THSD7B: variants seen among roughly 807,000 people sequenced by gnomAD.
The protein encoded by THSD7B is thrombospondin type 1 domain containing 7B.
A neutral mutation model predicts 213.6 loss-of-function variants in THSD7B; 138 were observed. The ratio of observed to expected loss-of-function variants is 0.65; its 90% CI spans 0.56 to 0.74. THSD7B has a LOEUF of 0.74. Ranked by LOEUF, THSD7B falls within the 30% of genes least tolerant of loss-of-function variation. THSD7B has a pLI of 0.00. For missense variants in THSD7B, 1,931 were observed against 1,991.5 expected, an observed-to-expected ratio of 0.97 and a Z score of 0.58; for synonymous variants, 742 against 687.0, an observed-to-expected ratio of 1.08 and a Z score of -1.25.
At chr2:136,984,998 G>A (rs1022129111) in intron 2 of THSD7B, among the ~76,000 whole-genome samples, 9 of 152,134 alleles carry the variant, frequency 5.9e-5, no homozygotes, top group African/African-American at 2.2e-4. Flanking sequence ...AGGGTATGTG[G>A]TTGAGGAAGC....
chr2:137,552,903 A>G (rs1680878506), intron 15 of THSD7B, among the ~76,000 whole-genome samples: 1 of 152,206 alleles, frequency 6.6e-6, no homozygotes, highest in Admixed American at 6.5e-5. Flanking sequence ...GAATGAGAAA[A>G]GAGAGAAAGC....
At chr2:137,288,831 G>A (rs1008353937) in intron 12 of THSD7B, among the ~76,000 whole-genome samples, 4 of 151,388 alleles carry the variant, frequency 2.6e-5, no homozygotes, top group Non-Finnish European at 5.9e-5. Flanking sequence ...TTTGTTTAAA[G>A]TTTGAAGTTG....
chr2:136,867,723 C>T (rs1360379766), intron 1 of THSD7B, among the ~76,000 whole-genome samples: 4 of 152,184 alleles, frequency 2.6e-5, no homozygotes, highest in African/African-American at 9.7e-5. Flanking sequence ...TTATAATCCA[C>T]TTATCTAAGT....
intron 17 of THSD7B, among the ~76,000 whole-genome samples, chr2:137,581,532 A>G (rs1023651358): frequency 6.6e-6 from 1 of 152,074 alleles, no homozygotes; most frequent in Non-Finnish European, 1.5e-5. Context: ...AATTGCTTGA[A>G]TGGAGGACGT....
chr2:137,073,409 T>C (rs1687542952), intron 3 of THSD7B, among the ~76,000 whole-genome samples: 1 of 152,238 alleles, frequency 6.6e-6, no homozygotes, highest in Admixed American at 6.5e-5. Flanking sequence ...TTTATAGTAT[T>C]CTCTGATGGT....
intron 7 of THSD7B, among the ~76,000 whole-genome samples, chr2:137,230,077 A>T (rs547266688): frequency 6.6e-6 from 1 of 152,264 alleles, no homozygotes; most frequent in East Asian, 1.9e-4. Context: ...TTATGAGGAG[A>T]CTGTGAATGA....
At chr2:137,077,461 A>G (rs941323248) in intron 3 of THSD7B, among the ~76,000 whole-genome samples, 2 of 152,042 alleles carry the variant, frequency 1.3e-5, no homozygotes, top group South Asian at 2.1e-4. Flanking sequence ...GAGTGTTCCT[A>G]TTTCTCCACA....
At chr2:137,010,574 G>A (rs72983567) in intron 2 of THSD7B, among the ~76,000 whole-genome samples, 10,703 of 152,248 alleles carry the variant, frequency 0.07, 420 homozygotes, top group East Asian at 0.15. Context: ...TGTGTAAGGG[G>A]CAGGCTCATA....
At chr2:136,900,469 C>G (rs931548628) in intron 2 of THSD7B, among the ~76,000 whole-genome samples, 25 of 152,206 alleles carry the variant, frequency 1.6e-4, no homozygotes, top group Admixed American at 5.2e-4. Context: ...TACACACACA[C>G]ACACCACACA....
chr2:137,020,365 A>G (rs1686420091), intron 2 of THSD7B, among the ~76,000 whole-genome samples: 1 of 152,188 alleles, frequency 6.6e-6, no homozygotes. Flanking sequence ...TGCTAGACTG[A>G]GAGACTATTG....
chr2:137,342,401 T>C (rs928423276), intron 12 of THSD7B, among the ~76,000 whole-genome samples: 10 of 151,556 alleles, frequency 6.6e-5, no homozygotes, highest in Non-Finnish European at 1.2e-4. Flanking sequence ...AGGGGTTTTT[T>C]TTTTGGTATA....
rs368220397 is a variant in THSD7B at position 137,394,482 on chromosome 2, C to T, written c.2501-11131C>T. On this transcript the variant is annotated intron_variant, in intron 12 of 27. Transcript: ENST00000409968. ...AGATCTGATAGTTGTAGATATGCGG[C>T]GTTATTTCTGAGGGCTGTGTTCTGT... Among the ~76,000 whole-genome samples the T allele has an allele frequency of 2.3e-4, 32 of 137,770 alleles. 4 individuals carry two copies. Among genetic ancestry groups the T allele is most frequent in the Middle Eastern group, 3.7e-3 (1 of 270 alleles). 90.4% of individuals were successfully genotyped at this position (137,770 alleles called of 152,430 possible).
rs373263701 is a variant in THSD7B, at chr2:137,275,969, G to C, written c.2443G>C (p.Val815Leu). 2 of 1,612,360 alleles carry C rather than the reference G, an allele frequency of 1.2e-6. No individual in the cohort carries two copies. Among genetic ancestry groups the C allele is most frequent in the Non-Finnish European group, 8.5e-7 (1 of 1,178,932 alleles). ...CCCTTGCATCTTAGTGCCAGAGTCT[G>C]TCTGGCAGGGAATAACGGGCAGCAG... ...WSPCILVPES[V>L]WQGITGSSEA... The change falls in exon 12 of 28, where the codon GTC becomes CTC. Residue 815 changes from valine (V) to leucine (L), a missense_variant. Physicochemically the swap from Val to Leu is conservative, Grantham distance 32. Coordinates refer to ENST00000409968, the MANE Select transcript of THSD7B (RefSeq NM_001316349.2).
At chr2:137,336,502 A>T (rs1684642059) in intron 12 of THSD7B, among the ~76,000 whole-genome samples, 1 of 152,180 alleles carries the variant, frequency 6.6e-6, no homozygotes, top group African/African-American at 2.4e-5. Flanking sequence ...AAAGAACTTA[A>T]ATAACCTTCT....
chr2:136,877,521 T>C (rs1373557015), intron 1 of THSD7B, among the ~76,000 whole-genome samples: 1 of 152,190 alleles, frequency 6.6e-6, no homozygotes, highest in African/African-American at 2.4e-5. Flanking sequence ...TGGTATGCAG[T>C]GTAGAAATTT....
At chr2:137,524,963 G>A (rs540891116) in intron 15 of THSD7B, among the ~76,000 whole-genome samples, 1 of 152,260 alleles carries the variant, frequency 6.6e-6, no homozygotes, top group East Asian at 1.9e-4. Context: ...TATGTTGGCA[G>A]CTAGATGGGA....
chr2:137,323,610 T>C (rs1684308735), intron 12 of THSD7B, among the ~76,000 whole-genome samples: 1 of 152,164 alleles, frequency 6.6e-6, no homozygotes, highest in Non-Finnish European at 1.5e-5. Context: ...TTGACACTTA[T>C]TAGCTATTGA....
chr2:137,096,159 A>G (rs1335995092), intron 4 of THSD7B, among the ~76,000 whole-genome samples: 1 of 152,174 alleles, frequency 6.6e-6, no homozygotes, highest in Non-Finnish European at 1.5e-5. Context: ...TTCCTGCTGA[A>G]CAGCTGCCCT....
intron 7 of THSD7B, among the ~76,000 whole-genome samples, chr2:137,185,323 G>A (rs1331037021): frequency 2.0e-5 from 3 of 151,840 alleles, no homozygotes; most frequent in Non-Finnish European, 4.4e-5. Flanking sequence ...GTGTGATGCT[G>A]ATGTTTGGGG....
Sources: gnomAD v4.1 joint callset for allele counts (sites outside exome capture counted in the v4.1 genomes callset) on GRCh38, gnomAD v4.1.1 for gene constraint, MANE v1.5 for transcripts, NCBI Gene and HGNC (gene_info 2026-07-23, HGNC 2026-07-21) for gene names.